Variants in MOBP observed in about 807,000 individuals in gnomAD.
MOBP encodes myelin-associated oligodendrocyte basic protein.
In MOBP, 5 loss-of-function variants were observed where a neutral mutation model predicts 15.0. That is an observed-to-expected ratio of 0.33 (90% CI 0.17 to 0.70). MOBP has a LOEUF of 0.70. Ranked by LOEUF, MOBP falls within the 30% of genes least tolerant of loss-of-function variation. The probability of loss-of-function intolerance (pLI) is 0.67; values close to 1 mark genes in which losing one functional copy is unlikely to be tolerated. For missense variants in MOBP, 188 were observed against 257.8 expected, an observed-to-expected ratio of 0.73 and a Z score of 1.85; for synonymous variants, 88 against 99.0, an observed-to-expected ratio of 0.89 and a Z score of 0.66.
chr3:39,495,469 A>G (rs1006170964), intron 2 of MOBP, among the ~76,000 whole-genome samples: 1 of 152,078 alleles, frequency 6.6e-6, no homozygotes, highest in Non-Finnish European at 1.5e-5. Flanking sequence ...TAACACAAAT[A>G]TAAAGAAAAT....
intron 3 of MOBP, among the ~76,000 whole-genome samples, chr3:39,521,276 AAGCCACCATTAGGAT>A (rs1344004601): frequency 1.3e-5 from 2 of 152,136 alleles, no homozygotes; most frequent in Non-Finnish European, 2.9e-5. Flanking sequence ...CTAAACATTA[AAGCCACCATTAGGAT>A]AGAACTAATT....
At position 39,521,633 on chromosome 3, in the gene MOBP, G is replaced by A. The variant is rs553231308; in HGVS notation, c.*259-2610G>A. On this transcript the variant is annotated intron_variant and NMD_transcript_variant, in intron 3 of 4. Coordinates refer to the MOBP transcript ENST00000424090. ...AGTCTACTCATCACAAGTGTTGCTG[G>A]CCAACAGGGTTAATATTTGCTGACT... Among the ~76,000 whole-genome samples, 33 of 152,262 alleles carry A rather than the reference G, an allele frequency of 2.2e-4. No individual in the cohort carries two copies. In the South Asian group the frequency reaches 6.7e-3, roughly 31 times the overall value.
downstream of MOBP, chr3:39,527,981 C>T (rs892653101): frequency 2.0e-5 from 3 of 152,066 alleles, no homozygotes; most frequent in Non-Finnish European, 4.4e-5. Flanking sequence ...AGATATGAGC[C>T]GCCTGCATTT....
downstream of MOBP, chr3:39,526,139 G>A (rs1033483214): frequency 1.3e-5 from 2 of 152,154 alleles, no homozygotes; most frequent in Non-Finnish European, 2.9e-5. Context: ...ATATCCCTTT[G>A]GCCTGTTTTA....
intron 2 of MOBP, among the ~76,000 whole-genome samples, chr3:39,489,343 G>GTCT (rs961397995): frequency 4.3e-4 from 65 of 152,164 alleles, no homozygotes; most frequent in Admixed American, 2.1e-3. Context: ...GTCTGTTAAT[G>GTCT]TCTTCTTCTC....
At chr3:39,510,330 A>G (rs1013959907) in intron 4 of MOBP, among the ~76,000 whole-genome samples, 3 of 152,126 alleles carry the variant, frequency 2.0e-5, no homozygotes, top group Non-Finnish European at 2.9e-5. Flanking sequence ...TTACTTTTCC[A>G]TATAAATTTT....
downstream of MOBP, among the ~76,000 whole-genome samples, chr3:39,503,825 A>G (rs1240098580): frequency 6.6e-6 from 1 of 152,202 alleles, no homozygotes; most frequent in Non-Finnish European, 1.5e-5. Context: ...TGTAGCATCT[A>G]CTATGTGTAG....
downstream of MOBP, chr3:39,528,832 G>A (rs1200318385): frequency 6.6e-6 from 1 of 152,274 alleles, no homozygotes; most frequent in African/African-American, 2.4e-5. Flanking sequence ...TTCAGCAGCA[G>A]CTGCACAGAG....
chr3:39,472,677 G>C (rs1367160082), intron 1 of MOBP, among the ~76,000 whole-genome samples: 2 of 152,212 alleles, frequency 1.3e-5, no homozygotes, highest in East Asian at 3.8e-4. Flanking sequence ...TGTAATCCTA[G>C]CACTTTGGGA....
intron 1 of MOBP, among the ~76,000 whole-genome samples, chr3:39,469,402 T>C (rs2042435392): frequency 6.6e-6 from 1 of 151,282 alleles, no homozygotes; most frequent in African/African-American, 2.4e-5. Context: ...TTTATTTTAA[T>C]TGGAATTAAT....
intron 2 of MOBP, among the ~76,000 whole-genome samples, chr3:39,485,790 G>C (rs1224246822): frequency 6.6e-6 from 1 of 152,126 alleles, no homozygotes; most frequent in Non-Finnish European, 1.5e-5. Context: ...CATTTCCCCT[G>C]TTTTTGAGGA....
chr3:39,518,561 T>A (rs192137197), downstream of MOBP, among the ~76,000 whole-genome samples: 2 of 152,194 alleles, frequency 1.3e-5, no homozygotes, highest in African/African-American at 4.8e-5. Context: ...TCTCTATTAA[T>A]GAAACCATAC....
chr3:39,472,134 T>C (rs1051795575), intron 1 of MOBP, among the ~76,000 whole-genome samples: 3 of 152,230 alleles, frequency 2.0e-5, no homozygotes, highest in Admixed American at 6.5e-5. Flanking sequence ...GTTTTATCAT[T>C]GTGGAGATAG....
At position 39,502,670 on chromosome 3, in the gene MOBP, G is replaced by A; in HGVS notation, c.342G>A (p.Glu114=). ...AGCCACGGTCCCCTCCGAGGTCTGA[G>A]CGTCAGCCACGGTCCCCTCCGAGGT... ...ERQPRSPPRS[E]RQPRSPPRSE... Residue 114 remains glutamate (E), a synonymous_variant, in exon 4 of 4, where the codon GAG becomes GAA. Transcript: ENST00000684792. This position sits in a 1 kb window ranked among gnomAD's most constrained non-coding sequence, Gnocchi z 6.3. 6.9e-7 allele frequency: 1 copy of A among 1,447,120 alleles called. No homozygotes were observed. Among genetic ancestry groups the A allele is most frequent in the Non-Finnish European group, 9.1e-7 (1 of 1,094,882 alleles). The allele number at this position is 1,447,120 out of a possible 1,614,324, so 89.6% of individuals were successfully genotyped here. A position where few individuals can be genotyped will look rare whatever the true frequency, so the allele number is the denominator to read the frequency against.
chr3:39,529,302 G>C (rs1211364285), downstream of MOBP: 1 of 152,124 alleles, frequency 6.6e-6, no homozygotes, highest in Admixed American at 6.5e-5. Context: ...TAAAGTATAG[G>C]AAATACATGA....
chr3:39,499,236 C>A (rs1417147), intron 2 of MOBP, among the ~76,000 whole-genome samples: 44,071 of 151,934 alleles, frequency 0.29, 7,627 homozygotes, highest in African/African-American at 0.48. Flanking sequence ...AGCTGAACTT[C>A]GCGACCTATG....
intron 2 of MOBP, among the ~76,000 whole-genome samples, chr3:39,490,270 ATAT>A (rs1300801446): frequency 1.3e-5 from 2 of 152,120 alleles, no homozygotes; most frequent in Non-Finnish European, 2.9e-5. Flanking sequence ...TTTTTCATGC[ATAT>A]TATTATTATT....
At chr3:39,496,660 ATT>A (rs59233045) in intron 2 of MOBP, among the ~76,000 whole-genome samples, 1 of 143,184 alleles carries the variant, frequency 7.0e-6, no homozygotes, top group East Asian at 2.1e-4. Flanking sequence ...CGCCCGGCTA[ATT>A]TTTTTTTTTC....
intron 2 of MOBP, among the ~76,000 whole-genome samples, chr3:39,497,634 G>A (rs2042905515): frequency 6.6e-6 from 1 of 152,160 alleles, no homozygotes; most frequent in African/African-American, 2.4e-5. Flanking sequence ...TCTTTAGTTT[G>A]TTAATAATGC....
Sources: gnomAD v4.1 joint callset for allele counts (sites outside exome capture counted in the v4.1 genomes callset) on GRCh38, gnomAD v4.1.1 for gene constraint, Gnocchi (gnomAD v3.1) non-coding constraint, MANE v1.5 for transcripts, NCBI Gene and HGNC (gene_info 2026-07-23, HGNC 2026-07-21) for gene names.